PIEZO2: variants seen among roughly 807,000 people sequenced by gnomAD.
PIEZO2 encodes the protein piezo-type mechanosensitive ion channel component 2.
A neutral mutation model predicts 337.3 loss-of-function variants in PIEZO2; 172 were observed. That is an observed-to-expected ratio of 0.51 (90% CI 0.45 to 0.58). The LOEUF (loss-of-function observed/expected upper bound fraction) is 0.58, where lower values mean the gene tolerates loss of function less well. Ranked by LOEUF, PIEZO2 falls within the 20% of genes least tolerant of loss-of-function variation. The probability of loss-of-function intolerance (pLI) is 0.00; values close to 1 mark genes in which losing one functional copy is unlikely to be tolerated. For synonymous variants in PIEZO2, 1,251 were observed against 1,228.5 expected (o/e 1.02, Z -0.38); for missense variants, 3,028 against 3,391.3 (o/e 0.89, Z 2.66).
chr18:10,685,787 G>C (rs2034521173), intron 49 of PIEZO2, among the ~76,000 whole-genome samples: 1 of 152,196 alleles, frequency 6.6e-6, no homozygotes, highest in Non-Finnish European at 1.5e-5. Context: ...CGAGCCTTCT[G>C]GCAGCTCTTG....
At chr18:10,832,731 C>T (rs28395368) in intron 7 of PIEZO2, among the ~76,000 whole-genome samples, 29,938 of 152,130 alleles carry the variant, frequency 0.2, 3,069 homozygotes, top group Middle Eastern at 0.31. Flanking sequence ...TGGCTCCACC[C>T]GCCCAGGATT....
At chr18:11,024,675 T>C (rs2036466041) in intron 2 of PIEZO2, among the ~76,000 whole-genome samples, 1 of 152,050 alleles carries the variant, frequency 6.6e-6, no homozygotes, top group African/African-American at 2.4e-5. Context: ...AGTTTCACTC[T>C]TGTCACCCAG....
chr18:11,099,746 A>G lies in PIEZO2; in HGVS notation c.65-33524T>C, dbSNP rs1274710855. Among the ~76,000 whole-genome samples the G allele has an allele frequency of 6.6e-6, 1 of 152,232 alleles. No homozygotes were observed. Among genetic ancestry groups the G allele is most frequent in the African/African-American group, 2.4e-5 (1 of 41,462 alleles). On this transcript the variant is annotated intron_variant, in intron 1 of 55. Transcript: ENST00000674853. The surrounding 1 kb of genome is among the most constrained non-coding windows in gnomAD (Gnocchi z 5.4). Reference sequence around the variant, plus strand: ...AGTACTGGGATTACAGGCGTGAGCCACTGTGCCCGTCCTATATCTTTATTC... The same window carrying G: ...AGTACTGGGATTACAGGCGTGAGCCGCTGTGCCCGTCCTATATCTTTATTC...
Position 10,699,034 on chromosome 18 carries a change from T to C in PIEZO2, c.6585A>G (p.Ser2195=). 6.5e-7 allele frequency: 1 copy of C among 1,537,162 alleles called. No homozygotes were observed. The highest frequency in any genetic ancestry group is 1.4e-5 in the African/African-American group (1 of 73,180). ...GCTGCTCCGGGAAGGTCACATGCAC[T>C]GACTCCACAGACGCGGCCAGGTTGA... ...KSINLAASVE[S]VHVTFPEQQT... is the part of the protein sequence containing the mutation. Residue 2195 remains serine, a synonymous_variant, in exon 44 of 56, where the codon TCA becomes TCG. Transcript: ENST00000674853.
intron 4 of PIEZO2, among the ~76,000 whole-genome samples, chr18:10,875,750 T>C (rs1473742421): frequency 2.6e-5 from 4 of 152,312 alleles, no homozygotes; most frequent in Middle Eastern, 3.4e-3. Flanking sequence ...CACCTGTGGA[T>C]TGCATTAAGC....
rs115057761 is a variant in PIEZO2 at position 10,724,213 on chromosome 18, G to A, written c.5030-5954C>T. ...TGGGTGTTTAAAACTCTTGCTTTCCGCTGGACATGGTGGCTCATGCGTTTA... is the reference window on the plus strand; with the variant it reads ...TGGGTGTTTAAAACTCTTGCTTTCCACTGGACATGGTGGCTCATGCGTTTA... On this transcript the variant is annotated intron_variant, in intron 36 of 55. Coordinates refer to ENST00000674853, the MANE Select transcript of PIEZO2 (RefSeq NM_001378183.1). The surrounding 1 kb of genome is among the most constrained non-coding windows in gnomAD (Gnocchi z 5.8). Among the ~76,000 whole-genome samples the A allele has an allele frequency of 2.7e-3, 412 of 152,266 alleles. 1 individual carries two copies. Among genetic ancestry groups the A allele is most frequent in the African/African-American group, 9.2e-3 (383 of 41,544 alleles).
At chr18:10,984,335 C>A (rs992523048) in intron 2 of PIEZO2, among the ~76,000 whole-genome samples, 5 of 151,874 alleles carry the variant, frequency 3.3e-5, no homozygotes, top group Non-Finnish European at 5.9e-5. Context: ...AGATAAACTA[C>A]TAAATTAAAT....
At chr18:10,885,656 T>C (rs1043685505) in intron 4 of PIEZO2, among the ~76,000 whole-genome samples, 3 of 152,166 alleles carry the variant, frequency 2.0e-5, no homozygotes, top group African/African-American at 7.2e-5. Context: ...GAACCTTGAC[T>C]GTTTTCCTAA....
chr18:10,722,312 C>G (rs2143969664), intron 36 of PIEZO2, among the ~76,000 whole-genome samples: 1 of 151,476 alleles, frequency 6.6e-6, no homozygotes, highest in South Asian at 2.1e-4. Flanking sequence ...CTCACTGCAA[C>G]CTCCACCTCC....
intron 2 of PIEZO2, among the ~76,000 whole-genome samples, chr18:10,986,454 A>C (rs2034872512): frequency 6.6e-6 from 1 of 152,048 alleles, no homozygotes; most frequent in Non-Finnish European, 1.5e-5. Flanking sequence ...TAAATGTTAT[A>C]CACCACATTA....
rs1163508121 is a variant in PIEZO2 at position 10,853,181 on chromosome 18, G to T, written c.917+2172C>A. 6.6e-6 allele frequency among the ~76,000 whole-genome samples: 1 copy of T among 152,154 alleles called. No individual in the cohort carries two copies. Among genetic ancestry groups the T allele is most frequent in the Admixed American group, 6.5e-5 (1 of 15,274 alleles). On this transcript the variant is annotated intron_variant, in intron 7 of 55. Coordinates refer to ENST00000674853, the MANE Select transcript of PIEZO2 (RefSeq NM_001378183.1). This position sits in a 1 kb window ranked among gnomAD's most constrained non-coding sequence, Gnocchi z 4.2. ...AACTCCAGTAAACAGACTACATGCA[G>T]CCCCTCCCAAGGGCTGGCAGGCCAC...
intron 4 of PIEZO2, among the ~76,000 whole-genome samples, chr18:10,902,456 T>A (rs2043074296): frequency 6.6e-6 from 1 of 152,130 alleles, no homozygotes. Flanking sequence ...AAGCTGACAG[T>A]GTGTTTTTGA....
chr18:10,713,172 T>G lies in PIEZO2; in HGVS notation c.5423+1592A>C, dbSNP rs1038181339. ...CATACATCTTATTTTAAAACTTGGA[T>G]TTTTACTAAATATATGTATATATTT... On this transcript the variant is annotated intron_variant, in intron 39 of 55. Transcript: ENST00000674853. This position sits in a 1 kb window ranked among gnomAD's most constrained non-coding sequence, Gnocchi z 4.5. 3.9e-5 allele frequency among the ~76,000 whole-genome samples: 6 copies of G among 152,116 alleles called. No homozygotes were observed. The highest frequency in any genetic ancestry group is 1.4e-4 in the African/African-American group (6 of 41,428).
intron 7 of PIEZO2, among the ~76,000 whole-genome samples, chr18:10,848,268 C>T (rs1466811503): frequency 6.6e-6 from 1 of 152,186 alleles, no homozygotes; most frequent in African/African-American, 2.4e-5. Context: ...ACTTATTTCT[C>T]CTTGCATATA....
chr18:10,822,093 G>T (rs1054679568), intron 7 of PIEZO2, among the ~76,000 whole-genome samples: 9 of 152,138 alleles, frequency 5.9e-5, no homozygotes, highest in Non-Finnish European at 5.9e-5. Flanking sequence ...ATAATTAGTA[G>T]AAAATGATCA....
chr18:10,734,644 C>T (rs1567999400), intron 35 of PIEZO2, among the ~76,000 whole-genome samples: 1 of 152,188 alleles, frequency 6.6e-6, no homozygotes. Context: ...TTCAACTGTG[C>T]ATTAGGTTAA....
chr18:10,719,399 G>A (rs554113382), intron 36 of PIEZO2, among the ~76,000 whole-genome samples: 10 of 152,036 alleles, frequency 6.6e-5, no homozygotes, highest in African/African-American at 1.9e-4. Context: ...ACTGCCCTCC[G>A]TATGCCCATG....
chr18:10,913,100 G>A (rs932440991), intron 3 of PIEZO2, among the ~76,000 whole-genome samples: 27 of 152,176 alleles, frequency 1.8e-4, no homozygotes, highest in African/African-American at 5.8e-4. Context: ...CCTTTCTCAG[G>A]AATTCTTTTT....
At position 10,945,116 on chromosome 18, in the gene PIEZO2, C is replaced by G. The variant is rs1027108089; in HGVS notation, c.287-33888G>C. Among the ~76,000 whole-genome samples, 3 of 152,158 alleles carry G rather than the reference C, an allele frequency of 2.0e-5. No homozygotes were observed. Among genetic ancestry groups the G allele is most frequent in the Admixed American group, 2.0e-4 (3 of 15,274 alleles). On this transcript the variant is annotated intron_variant, in intron 3 of 55. Transcript: ENST00000674853. This position sits in a 1 kb window ranked among gnomAD's most constrained non-coding sequence, Gnocchi z 4.0. ...GGCCCCGGAGATCTGTGAATTCAGC[C>G]AAGTAGTGACCAGTACATGCATGTG...
Sources: allele counts gnomAD v4.1 joint callset (sites outside exome capture counted in the v4.1 genomes callset), GRCh38; gene constraint gnomAD v4.1.1; non-coding constraint Gnocchi (gnomAD v3.1); transcripts MANE v1.5; gene names NCBI Gene and HGNC (gene_info 2026-07-23, HGNC 2026-07-21).